Variants in ARFGEF3 observed in about 807,000 individuals in gnomAD.
The protein encoded by ARFGEF3 is brefeldin A-inhibited guanine nucleotide-exchange protein 3.
In ARFGEF3, 96 loss-of-function variants were observed where a neutral mutation model predicts 221.7. That is an observed-to-expected ratio of 0.43 (90% CI 0.37 to 0.51). The LOEUF (loss-of-function observed/expected upper bound fraction) is 0.51. ARFGEF3 is among the 20% of genes least tolerant of loss of function. The pLI is 0.00. For synonymous variants in ARFGEF3, 1,145 were observed against 1,126.8 expected (o/e 1.02, Z -0.32); for missense variants, 2,410 against 2,789.9 (o/e 0.86, Z 3.07).
At chr6:138,249,225 A>G (rs1483357576) in intron 8 of ARFGEF3, among the ~76,000 whole-genome samples, 1 of 152,258 alleles carries the variant, frequency 6.6e-6, no homozygotes, top group Non-Finnish European at 1.5e-5. Flanking sequence ...AAATGCACAC[A>G]CATACATATT....
At chr6:138,295,233 C>T (rs1779485719) in intron 20 of ARFGEF3, among the ~76,000 whole-genome samples, 1 of 152,164 alleles carries the variant, frequency 6.6e-6, no homozygotes, top group African/African-American at 2.4e-5. Context: ...GCCTCCAACA[C>T]TCACCAGCCA....
At chr6:138,321,088 T>C in intron 28 of ARFGEF3, 23 bp from the exon 29 acceptor site, 1 of 1,398,432 alleles carries the variant, frequency 7.2e-7, no homozygotes, top group African/African-American at 1.4e-5. Flanking sequence ...TGTGTGAAAC[T>C]GTGATTTTGC....
rs979589786 is a variant in ARFGEF3, at chr6:138,341,819, G to A, written c.*5333G>A. Reference sequence around the variant, plus strand: ...CACAATTCTTATTTCAGGGAAGACAGACCAAAAATATCTCCTGAGATCATT... The same window carrying A: ...CACAATTCTTATTTCAGGGAAGACAAACCAAAAATATCTCCTGAGATCATT... On this transcript the variant is annotated 3_prime_UTR_variant, in exon 34 of 34. Transcript: ENST00000251691. The A allele has an allele frequency of 6.6e-6, 1 of 152,286 alleles. No individual in the cohort carries two copies. The highest frequency in any genetic ancestry group is 1.9e-4 in the East Asian group (1 of 5,194). The allele number at this position is 152,286 out of a possible 1,614,324, so 9.4% of individuals were successfully genotyped here.
intron 25 of ARFGEF3, among the ~76,000 whole-genome samples, chr6:138,313,060 T>G (rs1289500909): frequency 6.6e-6 from 1 of 152,214 alleles, no homozygotes; most frequent in Admixed American, 6.5e-5. Context: ...CATTTATGTC[T>G]GGAATTTGAT....
chr6:138,165,669 A>G (rs1021083919), intron 1 of ARFGEF3, among the ~76,000 whole-genome samples: 1 of 151,888 alleles, frequency 6.6e-6, no homozygotes, highest in African/African-American at 2.4e-5. Context: ...GAGAGGGGTC[A>G]TCCCTTACTT....
At chr6:138,248,011 A>G (rs1357008898) in intron 8 of ARFGEF3, among the ~76,000 whole-genome samples, 3 of 152,194 alleles carry the variant, frequency 2.0e-5, no homozygotes, top group Non-Finnish European at 2.9e-5. Context: ...AGAATGGGTT[A>G]AAAATTGAGC....
At position 138,263,561 on chromosome 6, in the gene ARFGEF3, T is replaced by C. The variant is rs908341515; in HGVS notation, c.2078T>C (p.Val693Ala). The C allele has an allele frequency of 3.7e-6, 6 of 1,612,284 alleles. No homozygotes were observed. The highest frequency in any genetic ancestry group is 2.2e-5 in the East Asian group (1 of 44,868). ...CCTCGGCTCCTGTCTCTCTCCAATG[T>C]AGAGGAGGTGGACACCGCTCTGCAG... ...LLPRLLSLSN[V>A]EEVDTALQNF... The change falls in exon 12 of 34, where the codon GTA (valine) becomes GCA (alanine). Residue 693 changes from valine to alanine, a missense_variant. This residue lies in a region of ARFGEF3 where 594 missense variants were observed against 734.3 expected (regional missense o/e 0.81). Transcript: ENST00000251691.
In ARFGEF3 at chr6:138,286,076, T is replaced by C. The variant is rs754752011; in HGVS notation, c.2569+23T>C. ...CAGGTAATGACTTGGGTCTTGAGTT[T>C]ATGAACATCCATACACTGCATGTGT... On this transcript the variant is annotated intron_variant, in intron 15 of 33. Coordinates refer to ENST00000251691, the MANE Select transcript of ARFGEF3 (RefSeq NM_020340.5). 1.1e-5 allele frequency: 14 copies of C among 1,318,308 alleles called. 1 individual carries two copies. The South Asian group carries it at 1.5e-4, about 14-fold the overall frequency. The allele number at this position is 1,318,308 out of a possible 1,614,324, so 81.7% of individuals were successfully genotyped here.
chr6:138,233,010 G>A (rs552080490), intron 5 of ARFGEF3, among the ~76,000 whole-genome samples: 2 of 152,250 alleles, frequency 1.3e-5, no homozygotes, highest in African/African-American at 4.8e-5. Flanking sequence ...GAAGTGCTTA[G>A]GAGTCTTCCA....
intron 16 of ARFGEF3, 35 bp downstream of exon 16, chr6:138,286,951 C>T: frequency 6.2e-7 from 1 of 1,606,502 alleles, no homozygotes; most frequent in Non-Finnish European, 8.5e-7. Flanking sequence ...GGCCGTGGTC[C>T]TGCAGAACTC....
intron 17 of ARFGEF3, 75 bp downstream of exon 17, chr6:138,287,259 C>T: frequency 8.4e-6 from 9 of 1,076,402 alleles, no homozygotes; most frequent in Non-Finnish European, 1.1e-5. Flanking sequence ...CCTACACACG[C>T]CAGCCAACAC....
chr6:138,234,276 A>G (rs1211343067), intron 5 of ARFGEF3, among the ~76,000 whole-genome samples: 1 of 152,174 alleles, frequency 6.6e-6, no homozygotes, highest in Non-Finnish European at 1.5e-5. Context: ...AGCCATTTTA[A>G]TATGCCAACT....
At chr6:138,260,040 C>G (rs374129223) in intron 10 of ARFGEF3, among the ~76,000 whole-genome samples, 89 of 152,290 alleles carry the variant, frequency 5.8e-4, no homozygotes, top group African/African-American at 2.1e-3. Flanking sequence ...TGGGAATACA[C>G]TTATCCTTCC....
chr6:138,282,199 CCTGCCTCAGCCTCCCAAAGTG>C, intron 14 of ARFGEF3, among the ~76,000 whole-genome samples: 1 of 152,302 alleles, frequency 6.6e-6, no homozygotes, highest in Non-Finnish European at 1.5e-5. Context: ...AGGTGATCTG[CCTGCCTCAGCCTCCCAAAGTG>C]CTGAGATTAC....
At chr6:138,250,416 T>A (rs1444082972) in intron 8 of ARFGEF3, among the ~76,000 whole-genome samples, 2 of 152,194 alleles carry the variant, frequency 1.3e-5, no homozygotes, top group Non-Finnish European at 2.9e-5. Context: ...TTCTCTCTCC[T>A]CCTAGAACAG....
chr6:138,182,929 T>C (rs1054824858), intron 2 of ARFGEF3, among the ~76,000 whole-genome samples: 3 of 152,230 alleles, frequency 2.0e-5, no homozygotes, highest in African/African-American at 7.2e-5. Flanking sequence ...CCAGAGAGAA[T>C]TGTTCTATGT....
At chr6:138,299,708 G>A (rs910937562) in intron 22 of ARFGEF3, among the ~76,000 whole-genome samples, 4 of 152,202 alleles carry the variant, frequency 2.6e-5, no homozygotes, top group South Asian at 2.1e-4. Context: ...CATCCCAGAC[G>A]TGAGTGCACA....
intron 5 of ARFGEF3, among the ~76,000 whole-genome samples, chr6:138,237,142 A>G: frequency 6.6e-6 from 1 of 152,180 alleles, no homozygotes; most frequent in Non-Finnish European, 1.5e-5. Context: ...TGGCAGAAAG[A>G]AAAAGATAAC....
intron 18 of ARFGEF3, 54 bp downstream of exon 18, chr6:138,290,022 G>A (rs1779371602): frequency 6.4e-7 from 1 of 1,555,242 alleles, no homozygotes; most frequent in Admixed American, 2.0e-5. Context: ...TGGGAAACCT[G>A]GAGTGGGCTG....
Sources: allele counts gnomAD v4.1 joint callset (sites outside exome capture counted in the v4.1 genomes callset), GRCh38; gene constraint gnomAD v4.1.1; regional missense constraint gnomAD v4.1.1; transcripts MANE v1.5; gene names NCBI Gene and HGNC (gene_info 2026-07-23, HGNC 2026-07-21).